Variants in ATP5PF observed in about 807,000 individuals in gnomAD.
ATP5PF encodes the protein ATP synthase peripheral stalk subunit F6.
A neutral mutation model predicts 12.0 loss-of-function variants in ATP5PF; 7 were observed. The observed-to-expected ratio is 0.58, with a 90% CI of 0.33 to 1.10. The LOEUF is 1.10. ATP5PF is among the 50% of genes least tolerant of loss of function. ATP5PF has a pLI of 0.03. For synonymous variants in ATP5PF, 41 were observed against 45.4 expected (o/e 0.90, Z 0.39); for missense variants, 120 against 127.7 (o/e 0.94, Z 0.29).
intron 1 of ATP5PF, among the ~76,000 whole-genome samples, chr21:25,730,420 TG>T (rs2034730974): frequency 6.6e-6 from 1 of 152,118 alleles, no homozygotes; most frequent in Non-Finnish European, 1.5e-5. Flanking sequence ...GTGAAGGAGA[TG>T]GAAGTCTGAA....
chr21:25,731,484 A>G (rs2034775527), intron 1 of ATP5PF, among the ~76,000 whole-genome samples: 1 of 151,486 alleles, frequency 6.6e-6, no homozygotes, highest in South Asian at 2.1e-4. Flanking sequence ...TCCTGGACTC[A>G]TGCAATCCTC....
chr21:25,731,013 A>C (rs2034760189), intron 1 of ATP5PF, among the ~76,000 whole-genome samples: 1 of 152,016 alleles, frequency 6.6e-6, no homozygotes, highest in South Asian at 2.1e-4. Context: ...AGCCCGAGGC[A>C]GGTGGATCAC....
At chr21:25,734,611 G>GC (rs953811777) in intron 1 of ATP5PF, 5 of 424,254 alleles carry the variant, frequency 1.2e-5, no homozygotes, top group African/African-American at 6.1e-5. Context: ...GGGCCTCCCT[G>GC]CCCCCCGCGC....
upstream of ATP5PF, chr21:25,735,171 G>C (rs1382739617): frequency 1.6e-6 from 1 of 615,596 alleles, no homozygotes; most frequent in East Asian, 2.8e-5. Flanking sequence ...CTGTACGCAT[G>C]CGCTCTTTGA....
chr21:25,724,984 T>C (rs950113727), intron 3 of ATP5PF: 24 of 603,224 alleles, frequency 4.0e-5, no homozygotes, highest in African/African-American at 3.8e-4. Context: ...AAAGTGATTA[T>C]AAGGATTCAA....
intron 1 of ATP5PF, among the ~76,000 whole-genome samples, chr21:25,732,902 A>T (rs1177066176): frequency 6.9e-6 from 1 of 144,866 alleles, no homozygotes; most frequent in Non-Finnish European, 1.5e-5. Flanking sequence ...AGATTCCTTG[A>T]ACCCAGGAGG....
intron 2 of ATP5PF, 110 bp from the exon 3 acceptor site, chr21:25,725,460 A>G: frequency 7.8e-7 from 1 of 1,275,574 alleles, no homozygotes; most frequent in Non-Finnish European, 1.0e-6. Flanking sequence ...TTCTTTTTTG[A>G]GACGGAGTCT....
At position 25,725,087 on chromosome 21, in the gene ATP5PF, G is replaced by A. The variant is rs541567971; in HGVS notation, c.289+139C>T. ...TTATTCTAACAGCAAACATTTAGCC[G>A]GCAGCTTCTCAGGCACACGTCATGG... On this transcript the variant is annotated intron_variant, in intron 3 of 3. Coordinates refer to ENST00000284971, the MANE Select transcript of ATP5PF (RefSeq NM_001003703.2). 1.6e-4 allele frequency: 179 copies of A among 1,133,600 alleles called. 1 individual carries two copies. In the South Asian group the frequency reaches 1.8e-3, roughly 12 times the overall value. The allele number at this position is 1,133,600 out of a possible 1,614,324, so 70.2% of individuals were successfully genotyped here. A position where few individuals can be genotyped will look rare whatever the true frequency, so the allele number is the denominator to read the frequency against.
rs768407077 is a variant in ATP5PF, at chr21:25,729,624, C to T, written c.164+7G>A. On this transcript the variant is annotated splice_region_variant and intron_variant, in intron 2 of 3. Coordinates refer to ENST00000284971, the MANE Select transcript of ATP5PF (RefSeq NM_001003703.2). ...TATATTTACACTGTAGTTATTTATT[C>T]ACTTACTGTCGCTTAGATTTGTATT... 6.3e-6 allele frequency: 10 copies of T among 1,596,862 alleles called. No homozygotes were observed. In the South Asian group the frequency reaches 6.7e-5, roughly 11 times the overall value.
At chr21:25,729,390 T>C (rs956072365) in intron 2 of ATP5PF, among the ~76,000 whole-genome samples, 2 of 152,222 alleles carry the variant, frequency 1.3e-5, no homozygotes, top group South Asian at 2.1e-4. Context: ...AGTAAGAATG[T>C]ATTTTAAACA....
At chr21:25,734,593 A>G in intron 1 of ATP5PF, 1 of 418,660 alleles carries the variant, frequency 2.4e-6, no homozygotes, top group Non-Finnish European at 3.9e-6. Flanking sequence ...TGCGGGCCCG[A>G]GACCCCCGGG....
chr21:25,734,989 C>T (rs889638263), upstream of ATP5PF: 6 of 1,552,986 alleles, frequency 3.9e-6, no homozygotes, highest in Middle Eastern at 1.7e-4. Context: ...CGACGCTCAC[C>T]GGACAGGAAG....
Position 25,731,677 on chromosome 21 carries a change from CTAATA to C in ATP5PF, c.-7-1881_-7-1877del, listed in dbSNP as rs532450405. ...GTTTCCCATGCCCTCCCCAAATTTC[CTAATA>C]GCAATACTGTCATCATCACATTGAC... On this transcript the variant is annotated intron_variant, in intron 1 of 3. Transcript: ENST00000284971. 2.0e-4 allele frequency among the ~76,000 whole-genome samples: 30 copies of C among 152,082 alleles called. No individual in the cohort carries two copies. In the East Asian group the frequency reaches 5.6e-3, roughly 28 times the overall value.
intron 2 of ATP5PF, among the ~76,000 whole-genome samples, chr21:25,727,482 C>T (rs2034647830): frequency 6.6e-6 from 1 of 152,152 alleles, no homozygotes; most frequent in Non-Finnish European, 1.5e-5. Flanking sequence ...GTAAGTACTA[C>T]CATCATCCTC....
At chr21:25,735,321 A>G (rs1218007222), upstream of ATP5PF, 3 of 268,782 alleles carry the variant, frequency 1.1e-5, no homozygotes, top group Non-Finnish European at 2.2e-5. Flanking sequence ...GTACCTCGTG[A>G]GCCTCCGTTG....
At chr21:25,724,958 C>G (rs2034577127) in intron 3 of ATP5PF, 1 of 587,348 alleles carries the variant, frequency 1.7e-6, no homozygotes, top group Non-Finnish European at 2.9e-6. Flanking sequence ...GTTAATTACT[C>G]AAGATTACAC....
At chr21:25,729,493 G>T in intron 2 of ATP5PF, 138 bp downstream of exon 2, 1 of 681,778 alleles carries the variant, frequency 1.5e-6, no homozygotes, top group Non-Finnish European at 2.3e-6. Flanking sequence ...TTTTTTGAGG[G>T]CACCTAATGA....
chr21:25,728,319 T>C (rs1235469889), intron 2 of ATP5PF, among the ~76,000 whole-genome samples: 4 of 152,180 alleles, frequency 2.6e-5, no homozygotes, highest in Non-Finnish European at 4.4e-5. Context: ...CAGTCTACAA[T>C]CAAGGCCTTC....
chr21:25,727,583 T>C (rs1601085242), intron 2 of ATP5PF, among the ~76,000 whole-genome samples: 1 of 152,192 alleles, frequency 6.6e-6, no homozygotes, highest in East Asian at 1.9e-4. Flanking sequence ...CAGCCCAGGG[T>C]CTACCCTCAG....
Sources: gnomAD v4.1 joint callset for allele counts (sites outside exome capture counted in the v4.1 genomes callset) on GRCh38, gnomAD v4.1.1 for gene constraint, MANE v1.5 for transcripts, NCBI Gene and HGNC (gene_info 2026-07-23, HGNC 2026-07-21) for gene names.